PYM1: variants seen among roughly 807,000 people sequenced by gnomAD.
PYM1 encodes the protein PYM1 exon junction complex associated factor, also known as partner of Y14 and mago.
In PYM1, 7 loss-of-function variants were observed where a neutral mutation model predicts 20.7. The observed-to-expected ratio is 0.34, with a 90% confidence interval of 0.19 to 0.64. The LOEUF (loss-of-function observed/expected upper bound fraction) is 0.64. Ranked by LOEUF, PYM1 falls within the 30% of genes least tolerant of loss-of-function variation. The pLI is 0.74. For synonymous variants in PYM1, 100 were observed against 99.2 expected (o/e 1.01, Z -0.05); for missense variants, 194 against 250.0 (o/e 0.78, Z 1.51).
intron 1 of PYM1, chr12:55,914,348 G>A (rs527747376): frequency 2.0e-5 from 14 of 702,282 alleles, no homozygotes; most frequent in African/African-American, 1.9e-4. Flanking sequence ...AGAAGGGAGA[G>A]GTTTGGCGGT....
chr12:55,919,600 G>C (rs574611931), intron 1 of PYM1, among the ~76,000 whole-genome samples: 1 of 152,214 alleles, frequency 6.6e-6, no homozygotes, highest in Non-Finnish European at 1.5e-5. Context: ...TATGTGCTTA[G>C]AAAAACTAGG....
At chr12:55,904,180 T>C (rs909232824) in intron 1 of PYM1, among the ~76,000 whole-genome samples, 2 of 151,870 alleles carry the variant, frequency 1.3e-5, no homozygotes, top group African/African-American at 4.8e-5. Flanking sequence ...TCAGCCAGGC[T>C]AGTCTCGAAC....
At chr12:55,914,450 T>C in intron 1 of PYM1, 3 of 673,934 alleles carry the variant, frequency 4.5e-6, no homozygotes. Context: ...TGGGGACTGC[T>C]ACTGTAAGAA....
Position 55,901,977 on chromosome 12 carries a change from C to T in PYM1, c.510G>A (p.Arg170=). Residue 170 remains arginine (R), a synonymous_variant, in exon 3 of 3, where the codon CGG becomes CGA. Transcript: ENST00000408946. ...KLRQVEELQQ[R]IQAGEVSQPS... ...GCTGGCTGACTTCCCCAGCCTGGAT[C>T]CGCTGCTGCAGCTCTTCCACCTGCC... 6.2e-7 allele frequency: 1 copy of T among 1,614,178 alleles called. No individual in the cohort carries two copies. Among genetic ancestry groups the T allele is most frequent in the Non-Finnish European group, 8.5e-7 (1 of 1,180,032 alleles).
intron 1 of PYM1, among the ~76,000 whole-genome samples, chr12:55,925,289 G>C (rs1423747329): frequency 6.6e-6 from 1 of 152,212 alleles, no homozygotes; most frequent in East Asian, 1.9e-4. Flanking sequence ...GGAAGGTCAA[G>C]AACCAGAGAA....
At position 55,901,962 on chromosome 12, in the gene PYM1, T is replaced by G. The variant is rs1352670017; in HGVS notation, c.525A>C (p.Glu175Asp). The change falls in exon 3 of 3, where the codon GAA becomes GAC. Residue 175 changes from glutamate (E) to aspartate (D), a missense_variant. This residue lies in a region of PYM1 where 158 missense variants were observed against 179.0 expected (regional missense o/e 0.88). Coordinates refer to ENST00000408946, the MANE Select transcript of PYM1 (RefSeq NM_032345.3). ...GCTGCTCTTTGCTAGGCTGGCTGAC[T>G]TCCCCAGCCTGGATCCGCTGCTGCA... ...EELQQRIQAG[E>D]VSQPSKEQLE... The G allele has an allele frequency of 6.2e-7, 1 of 1,614,140 alleles. No individual in the cohort carries two copies. The highest frequency in any genetic ancestry group is 8.5e-7 in the Non-Finnish European group (1 of 1,180,024).
intron 1 of PYM1, among the ~76,000 whole-genome samples, chr12:55,905,934 A>AGATATATATATTATATATATATCTAT (rs1565714530): frequency 4.3e-5 from 3 of 70,238 alleles, no homozygotes; most frequent in African/African-American, 6.1e-5. Flanking sequence ...TATATATCTA[A>AGATATATATATTATATATATATCTAT]TAGATATATA....
chr12:55,910,367 G>A (rs1316938118), intron 1 of PYM1, among the ~76,000 whole-genome samples: 3 of 151,552 alleles, frequency 2.0e-5, no homozygotes, highest in Admixed American at 6.6e-5. Context: ...TGCAATCTCC[G>A]CCTCCCCGGT....
At chr12:55,902,817 A>C (rs1373394272) in intron 2 of PYM1, among the ~76,000 whole-genome samples, 1 of 148,860 alleles carries the variant, frequency 6.7e-6, no homozygotes, top group Non-Finnish European at 1.5e-5. Context: ...CCAGGGCTGA[A>C]GTGCACTGGC....
chr12:55,901,998 C>T lies in PYM1; in HGVS notation c.489G>A (p.Gln163=), dbSNP rs1882699071. Reference sequence around the variant, plus strand: ...GGATCCGCTGCTGCAGCTCTTCCACCTGCCGGAGTTTCTTCTTTAGGTTCT... The same window carrying T: ...GGATCCGCTGCTGCAGCTCTTCCACTTGCCGGAGTTTCTTCTTTAGGTTCT... ...KIKNLKKKLR[Q]VEELQQRIQA... is the part of the protein sequence containing the mutation. Residue 163 remains glutamine, a synonymous_variant, in exon 3 of 3, where the codon CAG becomes CAA. Coordinates refer to ENST00000408946, the MANE Select transcript of PYM1 (RefSeq NM_032345.3). The T allele has an allele frequency of 1.2e-6, 2 of 1,614,054 alleles. No homozygotes were observed. Among genetic ancestry groups the T allele is most frequent in the Non-Finnish European group, 1.7e-6 (2 of 1,180,034 alleles).
chr12:55,913,135 A>T (rs189861476), intron 1 of PYM1, among the ~76,000 whole-genome samples: 61 of 152,276 alleles, frequency 4.0e-4, no homozygotes, highest in Non-Finnish European at 7.4e-4. Context: ...GTATCAACTC[A>T]AGGCAGCCTT....
chr12:55,909,849 A>C (rs765029056), intron 1 of PYM1, among the ~76,000 whole-genome samples: 4 of 152,188 alleles, frequency 2.6e-5, no homozygotes, highest in Non-Finnish European at 5.9e-5. Context: ...TATCGGAAAA[A>C]ATAAAAACAA....
At position 55,908,669 on chromosome 12, in the gene PYM1, T is replaced by C. The variant is rs370780121; in HGVS notation, c.38-5189A>G. 3.3e-5 allele frequency among the ~76,000 whole-genome samples: 5 copies of C among 151,786 alleles called. No individual in the cohort carries two copies. In the East Asian group the frequency reaches 5.8e-4, roughly 18 times the overall value. On this transcript the variant is annotated intron_variant, in intron 1 of 2. Coordinates refer to ENST00000408946, the MANE Select transcript of PYM1 (RefSeq NM_032345.3). ...GAGTTCGAGACCAGCCTGGCCAAAATTGTGAAACCCCATCTCTACTAAAAT... is the reference window on the plus strand; with the variant it reads ...GAGTTCGAGACCAGCCTGGCCAAAACTGTGAAACCCCATCTCTACTAAAAT...
chr12:55,923,751 G>A (rs1020725111), intron 1 of PYM1, among the ~76,000 whole-genome samples: 1 of 151,834 alleles, frequency 6.6e-6, no homozygotes, highest in African/African-American at 2.4e-5. Flanking sequence ...AAATCTAAAA[G>A]TGTTCTAAAA....
At chr12:55,913,843 T>C (rs1296514627) in intron 1 of PYM1, 1 of 153,538 alleles carries the variant, frequency 6.5e-6, no homozygotes, top group Non-Finnish European at 1.4e-5. Flanking sequence ...TAAATTTTTA[T>C]TGAGCACTTA....
chr12:55,901,693 G>T lies in PYM1; in HGVS notation c.*179C>A. On this transcript the variant is annotated 3_prime_UTR_variant, in exon 3 of 3. Transcript: ENST00000408946. ...GGGGAAAGTCCAAAAAGTAGAAGTTGGGAAGAAAAGGGAAGGATTGAGGGA... is the reference window on the plus strand; with the variant it reads ...GGGGAAAGTCCAAAAAGTAGAAGTTTGGAAGAAAAGGGAAGGATTGAGGGA... 2 of 880,674 alleles carry T rather than the reference G, an allele frequency of 2.3e-6. No individual in the cohort carries two copies. Among genetic ancestry groups the T allele is most frequent in the South Asian group, 2.2e-5 (1 of 45,600 alleles). The allele number at this position is 880,674 out of a possible 1,614,324, so 54.6% of individuals were successfully genotyped here. A position where few individuals can be genotyped will look rare whatever the true frequency, so the allele number is the denominator to read the frequency against.
intron 1 of PYM1, among the ~76,000 whole-genome samples, chr12:55,926,904 G>A (rs1883198818): frequency 6.6e-6 from 1 of 152,182 alleles, no homozygotes; most frequent in Admixed American, 6.5e-5. Flanking sequence ...CCAAACACGA[G>A]ACCAGAAGGG....
intron 1 of PYM1, among the ~76,000 whole-genome samples, chr12:55,910,252 C>CATATAT (rs71074876): frequency 9.7e-4 from 139 of 142,734 alleles, no homozygotes; most frequent in Admixed American, 5.4e-3. Context: ...TGGTTTTATA[C>CATATAT]ATATATATAT....
At chr12:55,915,899 G>A (rs1882997961) in intron 1 of PYM1, among the ~76,000 whole-genome samples, 1 of 152,230 alleles carries the variant, frequency 6.6e-6, no homozygotes, top group Non-Finnish European at 1.5e-5. Context: ...GGAAAACTCA[G>A]TATTTAAGAA....
Sources: allele counts gnomAD v4.1 joint callset (sites outside exome capture counted in the v4.1 genomes callset), GRCh38; gene constraint gnomAD v4.1.1; regional missense constraint gnomAD v4.1.1; transcripts MANE v1.5; gene names NCBI Gene and HGNC (gene_info 2026-07-23, HGNC 2026-07-21).